STK38: variants seen among roughly 807,000 people sequenced by gnomAD.
STK38 encodes the protein serine/threonine kinase 38, also known as serine/threonine-protein kinase 38.
STK38 carries 26 observed loss-of-function variants against 59.0 expected under a neutral mutation model. That is an observed-to-expected ratio of 0.44 (90% CI 0.32 to 0.61). The LOEUF is 0.61. Ranked by LOEUF, STK38 falls within the 20% of genes least tolerant of loss-of-function variation. The pLI, the probability that STK38 is intolerant of heterozygous loss-of-function variation, is 0.04. For missense variants in STK38, 433 were observed against 566.0 expected (o/e 0.76, Z 2.38); for synonymous variants, 175 against 176.6 (o/e 0.99, Z 0.07).
intron 1 of STK38, among the ~76,000 whole-genome samples, chr6:36,541,551 T>C (rs1164967230): frequency 1.3e-5 from 2 of 152,174 alleles, no homozygotes; most frequent in Non-Finnish European, 2.9e-5. Context: ...ATATACACAA[T>C]AGAATTAATT....
At chr6:36,513,369 C>A (rs1777159331) in intron 7 of STK38, among the ~76,000 whole-genome samples, 2 of 147,080 alleles carry the variant, frequency 1.4e-5, no homozygotes, top group Admixed American at 1.4e-4. Context: ...GGCTAGAGCA[C>A]AGTGGCATGA....
chr6:36,528,342 G>C (rs1315245316), intron 2 of STK38, among the ~76,000 whole-genome samples: 1 of 152,148 alleles, frequency 6.6e-6, no homozygotes, highest in Non-Finnish European at 1.5e-5. Flanking sequence ...CTGAGAAAGA[G>C]GCTAGTTGAG....
In STK38 at chr6:36,494,537, C is replaced by CA. The variant is rs1359139596; in HGVS notation, c.*1246dup. 1 of 152,656 alleles carries CA rather than the reference C, an allele frequency of 6.6e-6. No individual in the cohort carries two copies. Among genetic ancestry groups the CA allele is most frequent in the African/African-American group, 2.4e-5 (1 of 41,460 alleles). 9.5% of individuals were successfully genotyped at this position (152,656 alleles called of 1,614,324 possible). On this transcript the variant is annotated 3_prime_UTR_variant, in exon 14 of 14. Transcript: ENST00000229812. ...ACAGAAGGCACTTTGTGCTAAAATTCAGAGGGTCTCTCAAGAGAGAACGCC... is the reference window on the plus strand; with the variant it reads ...ACAGAAGGCACTTTGTGCTAAAATTCAAGAGGGTCTCTCAAGAGAGAACGCC...
chr6:36,512,662 TTC>T (rs1777140514), intron 7 of STK38, among the ~76,000 whole-genome samples: 2 of 151,526 alleles, frequency 1.3e-5, no homozygotes, highest in African/African-American at 2.4e-5. Context: ...TAGGTAATCT[TTC>T]TTCTTTTTTT....
intron 9 of STK38, among the ~76,000 whole-genome samples, chr6:36,505,545 T>C (rs922565142): frequency 6.6e-6 from 1 of 152,192 alleles, no homozygotes; most frequent in African/African-American, 2.4e-5. Flanking sequence ...ATTAGTGACC[T>C]ACTAAGAGTG....
intron 2 of STK38, among the ~76,000 whole-genome samples, chr6:36,535,055 C>G (rs1777754879): frequency 6.6e-6 from 1 of 152,042 alleles, no homozygotes; most frequent in Admixed American, 6.6e-5. Context: ...TAAATAGCAT[C>G]CAGAAAACCC....
At chr6:36,514,838 G>A (rs1408117848) in intron 7 of STK38, among the ~76,000 whole-genome samples, 1 of 127,288 alleles carries the variant, frequency 7.9e-6, no homozygotes. Context: ...AACAGGGTGA[G>A]ACTTCATCTC....
Position 36,495,753 on chromosome 6 carries a change from C to G in STK38, c.*31G>C. ...AAAGCATGATGTTATACAAAGAACT[C>G]TGCTCCACATAGGATTCCGTGGCAA... is the stretch of plus-strand genomic sequence containing the variant. On this transcript the variant is annotated 3_prime_UTR_variant, in exon 14 of 14. Transcript: ENST00000229812. 1.2e-6 allele frequency: 2 copies of G among 1,612,828 alleles called. No homozygotes were observed. The highest frequency in any genetic ancestry group is 2.2e-5 in the South Asian group (2 of 91,040).
At chr6:36,497,697 T>C in intron 12 of STK38, 83 bp downstream of exon 12, 1 of 1,116,180 alleles carries the variant, frequency 9.0e-7, no homozygotes, top group Non-Finnish European at 1.3e-6. Flanking sequence ...TTACTTGGCT[T>C]GCCAATGATG....
intron 2 of STK38, among the ~76,000 whole-genome samples, chr6:36,526,515 T>C (rs558269154): frequency 1.3e-5 from 2 of 152,266 alleles, no homozygotes; most frequent in East Asian, 1.9e-4. Flanking sequence ...ATCCCAGCAC[T>C]TTGGGAGGTG....
In STK38 at chr6:36,494,698, G is replaced by GAT. The variant is rs1212700772; in HGVS notation, c.*1085_*1086insAT. On this transcript the variant is annotated 3_prime_UTR_variant, in exon 14 of 14. Coordinates refer to ENST00000229812, the MANE Select transcript of STK38 (RefSeq NM_007271.4). ...CAAAATGGCTAAAGTTGGGAGAGAA[G>GAT]AAATACCAAGAGAGAAGACAAAACA... is the stretch of plus-strand genomic sequence containing the variant. The GAT allele has an allele frequency of 6.6e-6, 1 of 152,614 alleles. No homozygotes were observed. The highest frequency in any genetic ancestry group is 2.4e-5 in the African/African-American group (1 of 41,420). The allele number at this position is 152,614 out of a possible 1,614,324, so 9.5% of individuals were successfully genotyped here.
At position 36,494,806 on chromosome 6, in the gene STK38, A is replaced by G. The variant is rs568001745; in HGVS notation, c.*978T>C. ...CTTCTATTGGGCTGGTTCCTTCACCATTTCCAAAGGGGTTCTGGAGACCTT... is the reference window on the plus strand; with the variant it reads ...CTTCTATTGGGCTGGTTCCTTCACCGTTTCCAAAGGGGTTCTGGAGACCTT... On this transcript the variant is annotated 3_prime_UTR_variant, in exon 14 of 14. Transcript: ENST00000229812. 13 of 152,574 alleles carry G rather than the reference A, an allele frequency of 8.5e-5. No individual in the cohort carries two copies. Among genetic ancestry groups the G allele is most frequent in the African/African-American group, 3.1e-4 (13 of 41,578 alleles). The allele number at this position is 152,574 out of a possible 1,614,324, so 9.5% of individuals were successfully genotyped here. A position where few individuals can be genotyped will look rare whatever the true frequency, so the allele number is the denominator to read the frequency against.
chr6:36,509,334 C>A (rs1296239868), intron 7 of STK38, among the ~76,000 whole-genome samples: 1 of 152,152 alleles, frequency 6.6e-6, no homozygotes, highest in East Asian at 1.9e-4. Flanking sequence ...TGGGTACCTC[C>A]CAGACGCAGG....
intron 7 of STK38, among the ~76,000 whole-genome samples, chr6:36,513,019 C>CATT: frequency 6.6e-6 from 1 of 151,660 alleles, no homozygotes; most frequent in South Asian, 2.1e-4. Flanking sequence ...CATGTTTATG[C>CATT]ATTATTATTA....
intron 13 of STK38, 128 bp from the exon 14 acceptor site, chr6:36,496,042 AAT>A: frequency 1.0e-6 from 1 of 972,106 alleles, no homozygotes; most frequent in Non-Finnish European, 1.5e-6. Flanking sequence ...TCACTCTATG[AAT>A]TTTTTTTTTT....
Position 36,500,118 on chromosome 6 carries a change from T to C in STK38, c.835-128A>G, listed in dbSNP as rs1408057472. 1.8e-5 allele frequency: 12 copies of C among 682,156 alleles called. No homozygotes were observed. The East Asian group carries it at 3.1e-4, about 18-fold the overall frequency. 42.3% of individuals were successfully genotyped at this position (682,156 alleles called of 1,614,324 possible). A position where few individuals can be genotyped will look rare whatever the true frequency, so the allele number is the denominator to read the frequency against. On this transcript the variant is annotated intron_variant, in intron 9 of 13. Coordinates refer to ENST00000229812, the MANE Select transcript of STK38 (RefSeq NM_007271.4). ...AAGCTAAATAAGCAGGACTGCCCAGTAGCTTAATGGCAAGCTCGATTTCCC... is the reference window on the plus strand; with the variant it reads ...AAGCTAAATAAGCAGGACTGCCCAGCAGCTTAATGGCAAGCTCGATTTCCC...
chr6:36,517,645 G>T (rs1322342142), intron 6 of STK38, 72 bp downstream of exon 6: 14 of 1,574,002 alleles, frequency 8.9e-6, no homozygotes, highest in Admixed American at 5.5e-5. Context: ...AGAAAGGAGG[G>T]TTAATCGTGA....
chr6:36,509,695 C>G (rs563834924), intron 7 of STK38, among the ~76,000 whole-genome samples: 10 of 152,166 alleles, frequency 6.6e-5, no homozygotes, highest in Admixed American at 1.3e-4. Flanking sequence ...AATAGTTGCC[C>G]GCAGCACCAG....
chr6:36,546,450 C>T (rs1778054811), intron 1 of STK38, among the ~76,000 whole-genome samples: 1 of 152,112 alleles, frequency 6.6e-6, no homozygotes, highest in African/African-American at 2.4e-5. Context: ...GCAGGGTGAG[C>T]TCAAAGGGTG....
Sources: allele counts gnomAD v4.1 joint callset (sites outside exome capture counted in the v4.1 genomes callset), GRCh38; gene constraint gnomAD v4.1.1; transcripts MANE v1.5; gene names NCBI Gene and HGNC (gene_info 2026-07-23, HGNC 2026-07-21).